The following BICC1 variants were observed in gnomAD, a reference collection of about 807,000 sequenced individuals.
The protein encoded by BICC1 is BicC family RNA binding protein 1, also known as protein bicaudal C homolog 1.
In BICC1, 43 loss-of-function variants were observed where a neutral mutation model predicts 111.0. That is an observed-to-expected ratio of 0.39 (90% CI 0.30 to 0.50). BICC1 has a LOEUF of 0.50. Ranked by LOEUF, BICC1 falls within the 20% of genes least tolerant of loss-of-function variation. The probability of loss-of-function intolerance (pLI) is 0.88; values close to 1 mark genes in which losing one functional copy is unlikely to be tolerated. For missense variants in BICC1, 1,091 were observed against 1,203.2 expected, an observed-to-expected ratio of 0.91 and a Z score of 1.38; for synonymous variants, 467 against 434.4, an observed-to-expected ratio of 1.07 and a Z score of -0.93.
At chr10:58,705,727 T>C (rs1840367836) in intron 3 of BICC1, among the ~76,000 whole-genome samples, 1 of 152,204 alleles carries the variant, frequency 6.6e-6, no homozygotes, top group Non-Finnish European at 1.5e-5. Context: ...GATTCAGGGG[T>C]ACATGTGCAT....
intron 1 of BICC1, among the ~76,000 whole-genome samples, chr10:58,565,315 C>T (rs1470029961): frequency 2.0e-5 from 3 of 152,214 alleles, no homozygotes; most frequent in Non-Finnish European, 4.4e-5. Flanking sequence ...CCTAGACCCT[C>T]ATCTCTAAAG....
rs867952339 is a variant in BICC1 at position 58,512,895 on chromosome 10, G to T, written c.-249G>T. ...TCATTCCGCGCGGGCGTTGCTGGCGGGGGGCGGCGCAGCCACTGGACCCGG... is the reference window on the plus strand; with the variant it reads ...TCATTCCGCGCGGGCGTTGCTGGCGTGGGGCGGCGCAGCCACTGGACCCGG... On this transcript the variant is annotated 5_prime_UTR_variant, in exon 1 of 21. Transcript: ENST00000373886. Among the ~76,000 whole-genome samples, 1 of 147,482 alleles carries T rather than the reference G, an allele frequency of 6.8e-6. No homozygotes were observed. The highest frequency in any genetic ancestry group is 2.0e-4 in the East Asian group (1 of 5,126).
chr10:58,513,707 C>T (rs548866269), intron 1 of BICC1, among the ~76,000 whole-genome samples: 1 of 152,366 alleles, frequency 6.6e-6, no homozygotes, highest in African/African-American at 2.4e-5. Flanking sequence ...TGACCCTCCC[C>T]ATTCCCTGGC....
chr10:58,635,205 C>A (rs1181120991), intron 2 of BICC1, among the ~76,000 whole-genome samples: 1 of 152,000 alleles, frequency 6.6e-6, no homozygotes, highest in Non-Finnish European at 1.5e-5. Flanking sequence ...GAAAAAAGTT[C>A]CATGGTAAGA....
rs889715179 is a variant in BICC1 at position 58,562,952 on chromosome 10, G to A, written c.190+49619G>A. Among the ~76,000 whole-genome samples, 4 of 152,126 alleles carry A rather than the reference G, an allele frequency of 2.6e-5. No individual in the cohort carries two copies. In the East Asian group the frequency reaches 7.7e-4, roughly 29 times the overall value. On this transcript the variant is annotated intron_variant, in intron 1 of 20. Coordinates refer to ENST00000373886, the MANE Select transcript of BICC1 (RefSeq NM_001080512.3). ...GCTTTTTTGGTGTGGGGCCTGCCAGGCAGGCTGACTCTCAGGTCCTTGGGA... is the reference window on the plus strand; with the variant it reads ...GCTTTTTTGGTGTGGGGCCTGCCAGACAGGCTGACTCTCAGGTCCTTGGGA...
At chr10:58,715,478 CCT>C in intron 3 of BICC1, 1 of 834,894 alleles carries the variant, frequency 1.2e-6, no homozygotes, top group South Asian at 1.4e-5. Flanking sequence ...GGCAAGAGGA[CCT>C]GTGGCAGGCC....
chr10:58,550,512 C>G (rs1843268046), intron 1 of BICC1, among the ~76,000 whole-genome samples: 1 of 151,936 alleles, frequency 6.6e-6, no homozygotes, highest in South Asian at 2.1e-4. Context: ...ATCACTAAAC[C>G]CAAGGTCATG....
intron 3 of BICC1, among the ~76,000 whole-genome samples, chr10:58,733,383 AG>A (rs1360629097): frequency 6.6e-6 from 1 of 152,250 alleles, no homozygotes; most frequent in Non-Finnish European, 1.5e-5. Flanking sequence ...CTGTAAAAAA[AG>A]TATTCCTCTC....
chr10:58,663,197 G>T (rs1346445788), intron 2 of BICC1, among the ~76,000 whole-genome samples: 2 of 151,408 alleles, frequency 1.3e-5, no homozygotes, highest in Non-Finnish European at 2.9e-5. Context: ...CTCCTGAGTA[G>T]CTGGGACTTC....
chr10:58,585,837 A>G (rs989366245), intron 1 of BICC1, among the ~76,000 whole-genome samples: 6 of 152,242 alleles, frequency 3.9e-5, no homozygotes, highest in East Asian at 1.9e-4. Context: ...AATGTGTGAC[A>G]GATGATGACG....
intron 1 of BICC1, 132 bp downstream of exon 1, chr10:58,513,465 C>A (rs1842153713): frequency 1.2e-6 from 1 of 856,116 alleles, no homozygotes; most frequent in Non-Finnish European, 1.7e-6. Context: ...CGCTCCCCCG[C>A]GGAGCCGGAG....
At position 58,687,269 on chromosome 10, in the gene BICC1, G is replaced by T. The variant is rs371380026; in HGVS notation, c.238-14805G>T. On this transcript the variant is annotated intron_variant, in intron 2 of 20. Transcript: ENST00000373886. ...AGAGGGGCACCCGGCTGTATGACAT[G>T]TGAGTCGGCCTCCACTGGGAGGTGT... Among the ~76,000 whole-genome samples the T allele has an allele frequency of 1.8e-3, 273 of 152,188 alleles. 2 individuals are homozygous for T. The highest frequency in any genetic ancestry group is 6.1e-3 in the African/African-American group (253 of 41,560).
At chr10:58,771,375 AGTCT>A (rs1382795710) in intron 3 of BICC1, among the ~76,000 whole-genome samples, 2 of 152,192 alleles carry the variant, frequency 1.3e-5, no homozygotes, top group Non-Finnish European at 2.9e-5. Context: ...CTTGATACAT[AGTCT>A]GTTTTGTGAG....
At chr10:58,711,062 G>T (rs144089696) in intron 3 of BICC1, among the ~76,000 whole-genome samples, 2,319 of 152,094 alleles carry the variant, frequency 0.015, 30 homozygotes, top group Non-Finnish European at 0.025. Context: ...TACCCAGGCT[G>T]GTCTCAAACT....
chr10:58,793,650 T>A, intron 9 of BICC1, 35 bp downstream of exon 9: 1 of 1,607,148 alleles, frequency 6.2e-7, no homozygotes, highest in East Asian at 2.2e-5. Flanking sequence ...GAATTATGTA[T>A]CATATCATAT....
intron 1 of BICC1, among the ~76,000 whole-genome samples, chr10:58,583,351 T>G (rs890701277): frequency 3.9e-5 from 6 of 152,130 alleles, no homozygotes; most frequent in African/African-American, 1.4e-4. Context: ...GTGCAGTCTT[T>G]TATCCCTCAT....
intron 3 of BICC1, among the ~76,000 whole-genome samples, chr10:58,774,340 T>G (rs1013342019): frequency 3.3e-5 from 5 of 152,232 alleles, no homozygotes; most frequent in Non-Finnish European, 5.9e-5. Flanking sequence ...ATTGCTAACA[T>G]TTAAAGTTCT....
chr10:58,529,638 C>A (rs1658479), intron 1 of BICC1, among the ~76,000 whole-genome samples: 69,621 of 151,442 alleles, frequency 0.46, 17,027 homozygotes, highest in Admixed American at 0.62. Flanking sequence ...CATGTAAAGA[C>A]ATGTTTATTT....
chr10:58,754,534 A>C (rs906201629), intron 3 of BICC1, among the ~76,000 whole-genome samples: 1 of 152,234 alleles, frequency 6.6e-6, no homozygotes, highest in Admixed American at 6.5e-5. Context: ...AAAAGTCTAA[A>C]GTCTCTTGCA....
Sources: gnomAD v4.1 joint callset for allele counts (sites outside exome capture counted in the v4.1 genomes callset) on GRCh38, gnomAD v4.1.1 for gene constraint, MANE v1.5 for transcripts, NCBI Gene and HGNC (gene_info 2026-07-23, HGNC 2026-07-21) for gene names.